BRD10: variants seen among roughly 807,000 people sequenced by gnomAD.
BRD10 encodes the protein bromodomain containing 10.
chr9:5,987,204 A>C, the BRD10 span, among the ~76,000 whole-genome samples: 1 of 152,102 alleles, frequency 6.6e-6, no homozygotes, highest in Non-Finnish European at 1.5e-5. Flanking sequence ...TATCACTACT[A>C]TTATTACAAC....
chr9:5,880,998 C>T, the BRD10 span, among the ~76,000 whole-genome samples: 4 of 152,148 alleles, frequency 2.6e-5, no homozygotes, highest in African/African-American at 7.2e-5. Flanking sequence ...CCACCACGCT[C>T]GGCCCATTAC....
the BRD10 span, among the ~76,000 whole-genome samples, chr9:5,900,345 T>G: frequency 2.6e-5 from 4 of 152,162 alleles, no homozygotes; most frequent in Non-Finnish European, 5.9e-5. Context: ...TGTTTAAATT[T>G]CCTGGTTTAT....
chr9:5,907,124 C>A, the BRD10 span: 1 of 504,222 alleles, frequency 2.0e-6, no homozygotes, highest in Non-Finnish European at 3.3e-6. Context: ...ACTATATACA[C>A]CTAAAAATGG....
At chr9:5,928,908 G>C in the BRD10 span, 1 of 538,758 alleles carries the variant, frequency 1.9e-6, no homozygotes, top group African/African-American at 1.9e-5. Flanking sequence ...AAAGAGCCTT[G>C]CACACAGTGG....
the BRD10 span, among the ~76,000 whole-genome samples, chr9:5,956,077 T>C: frequency 1.3e-5 from 2 of 152,032 alleles, no homozygotes; most frequent in African/African-American, 4.8e-5. Context: ...TTGGAGGAAA[T>C]AAAATTCTTC....
At chr9:5,958,396 T>G in the BRD10 span, among the ~76,000 whole-genome samples, 2 of 152,236 alleles carry the variant, frequency 1.3e-5, no homozygotes, top group African/African-American at 4.8e-5. Context: ...TCTCAGTTTC[T>G]TATTCCTCAT....
At chr9:5,987,138 GC>G in the BRD10 span, among the ~76,000 whole-genome samples, 1 of 152,042 alleles carries the variant, frequency 6.6e-6, no homozygotes, top group East Asian at 1.9e-4. Flanking sequence ...GCTAAACCTG[GC>G]AAATACTCAC....
At chr9:5,894,690 G>A in the BRD10 span, among the ~76,000 whole-genome samples, 1 of 152,156 alleles carries the variant, frequency 6.6e-6, no homozygotes, top group Non-Finnish European at 1.5e-5. The surrounding 1 kb of genome is among the most constrained non-coding windows in gnomAD (Gnocchi z 4.0). Flanking sequence ...GACAATGTGA[G>A]CATTGCTGGG....
At chr9:5,891,155 A>G in the BRD10 span, 1 of 152,162 alleles carries the variant, frequency 6.6e-6, no homozygotes. Context: ...AAGAAAAGCA[A>G]TTATTCAGGA....
chr9:5,954,713 T>C, the BRD10 span, among the ~76,000 whole-genome samples: 1 of 152,182 alleles, frequency 6.6e-6, no homozygotes, highest in Non-Finnish European at 1.5e-5. Flanking sequence ...ATAAACCTCA[T>C]ACTTAGAGCC....
the BRD10 span, among the ~76,000 whole-genome samples, chr9:5,993,177 C>T: frequency 1.2e-4 from 18 of 151,606 alleles, no homozygotes; most frequent in Admixed American, 3.9e-4. Context: ...TAGCTGGGCA[C>T]GGTGGCATGC....
chr9:5,906,258 A>G, the BRD10 span, among the ~76,000 whole-genome samples: 1 of 150,826 alleles, frequency 6.6e-6, no homozygotes, highest in Non-Finnish European at 1.5e-5. Context: ...TGAACCCAGG[A>G]CGCAGAGGTT....
At chr9:5,927,458 T>C in the BRD10 span, among the ~76,000 whole-genome samples, 104 of 152,254 alleles carry the variant, frequency 6.8e-4, no homozygotes, top group African/African-American at 2.5e-3. Context: ...TTAACCTCTT[T>C]TCCTTCCAGA....
At chr9:5,908,658 G>A in the BRD10 span, 2 of 1,613,860 alleles carry the variant, frequency 1.2e-6, no homozygotes, top group African/African-American at 1.3e-5. Context: ...TGCTCCACCT[G>A]CTTATGAGAA....
At chr9:5,952,324 A>G in the BRD10 span, among the ~76,000 whole-genome samples, 1 of 152,086 alleles carries the variant, frequency 6.6e-6, no homozygotes. Flanking sequence ...CCCGGCCAAG[A>G]CCATTTTAAA....
the BRD10 span, among the ~76,000 whole-genome samples, chr9:5,989,223 ACT>A: frequency 3.0e-5 from 4 of 134,886 alleles, no homozygotes; most frequent in East Asian, 6.5e-4. Context: ...CAAGAGAGAA[ACT>A]CTGTCTCATT....
chr9:5,883,019 GGCT>G, the BRD10 span, among the ~76,000 whole-genome samples: 1 of 152,124 alleles, frequency 6.6e-6, no homozygotes, highest in African/African-American at 2.4e-5. Context: ...TGGAGTGGGG[GGCT>G]GGGGGAGGGA....
At chr9:6,003,738 C>A in the BRD10 span, among the ~76,000 whole-genome samples, 1 of 151,910 alleles carries the variant, frequency 6.6e-6, no homozygotes, top group Non-Finnish European at 1.5e-5. Context: ...GAATTTTAGT[C>A]CTACTTCTCT....
chr9:5,920,851 T>C, the BRD10 span: 2 of 1,613,904 alleles, frequency 1.2e-6, no homozygotes, highest in African/African-American at 1.3e-5. Context: ...CAAGGTGTCC[T>C]GTTTTCACAG....
Sources: gnomAD v4.1 joint callset for allele counts (sites outside exome capture counted in the v4.1 genomes callset) on GRCh38, gnomAD v4.1.1 for gene constraint, Gnocchi (gnomAD v3.1) non-coding constraint, MANE v1.5 for transcripts, NCBI Gene and HGNC (gene_info 2026-07-23, HGNC 2026-07-21) for gene names.